The following TRIQK variants were observed in gnomAD, a reference collection of about 807,000 sequenced individuals.
The protein encoded by TRIQK is triple QxxK/R motif containing.
A neutral mutation model predicts 10.8 loss-of-function variants in TRIQK; 10 were observed. The observed-to-expected ratio is 0.92, with a 90% CI of 0.57 to 1.57. The LOEUF (loss-of-function observed/expected upper bound fraction) is 1.57, where lower values mean the gene tolerates loss of function less well. Among genes scored for constraint, TRIQK ranks in the 40% most tolerant of loss-of-function variants. TRIQK has a pLI of 0.00. For missense variants in TRIQK, 107 were observed against 97.7 expected (o/e 1.09, Z -0.40); for synonymous variants, 33 against 33.7 (o/e 0.98, Z 0.07).
chr8:92,949,682 AAG>A (rs1491526126), intron 2 of TRIQK, among the ~76,000 whole-genome samples: 162 of 97,478 alleles, frequency 1.7e-3, no homozygotes, highest in Non-Finnish European at 2.0e-3. Flanking sequence ...GAAAGAAAGA[AAG>A]AAAGAAAGAA....
At chr8:92,988,864 T>C (rs921179437) in intron 1 of TRIQK, among the ~76,000 whole-genome samples, 1 of 152,204 alleles carries the variant, frequency 6.6e-6, no homozygotes, top group African/African-American at 2.4e-5. Flanking sequence ...GAACTGCATA[T>C]CATAAAAATG....
intron 3 of TRIQK, among the ~76,000 whole-genome samples, chr8:92,915,679 T>C (rs560997350): frequency 1.3e-5 from 2 of 151,554 alleles, no homozygotes; most frequent in African/African-American, 4.8e-5. Context: ...TTTTGTATTT[T>C]TAGTAGAGAC....
At chr8:92,969,887 A>G (rs1287981913), upstream of TRIQK, among the ~76,000 whole-genome samples, 2 of 152,036 alleles carry the variant, frequency 1.3e-5, no homozygotes, top group Non-Finnish European at 2.9e-5. Flanking sequence ...CTATCAACCC[A>G]TCCCTTAGAT....
chr8:92,998,973 G>A (rs988000219), intron 1 of TRIQK, among the ~76,000 whole-genome samples: 2 of 152,138 alleles, frequency 1.3e-5, no homozygotes, highest in Non-Finnish European at 2.9e-5. Flanking sequence ...GGTAGAGGGA[G>A]ATGGACTTGT....
chr8:92,980,963 TTTTATC>T (rs1407008377), intron 1 of TRIQK, among the ~76,000 whole-genome samples: 4 of 151,576 alleles, frequency 2.6e-5, no homozygotes, highest in African/African-American at 9.7e-5. Flanking sequence ...TTTAATTTAA[TTTTATC>T]TTTATTATTT....
chr8:92,945,308 T>C (rs1811472793), intron 2 of TRIQK, among the ~76,000 whole-genome samples: 1 of 151,598 alleles, frequency 6.6e-6, no homozygotes, highest in Non-Finnish European at 1.5e-5. Flanking sequence ...GCTACAGCAA[T>C]ATCTACACCC....
chr8:92,922,107 T>A (rs942384991), intron 2 of TRIQK: 5 of 151,800 alleles, frequency 3.3e-5, no homozygotes. Flanking sequence ...TAATAAACCA[T>A]GTAGTTATTA....
intron 2 of TRIQK, among the ~76,000 whole-genome samples, chr8:92,922,919 T>A (rs928399086): frequency 7.1e-4 from 108 of 151,942 alleles, no homozygotes; most frequent in African/African-American, 2.5e-3. Context: ...TCATTGTCTT[T>A]GAAATTATTA....
At chr8:92,971,153 T>C (rs758199283) in intron 1 of TRIQK, among the ~76,000 whole-genome samples, 6 of 152,104 alleles carry the variant, frequency 3.9e-5, no homozygotes, top group Non-Finnish European at 8.8e-5. Flanking sequence ...CATTGGTCTA[T>C]GTGTCTGTTT....
intron 2 of TRIQK, among the ~76,000 whole-genome samples, chr8:92,947,587 GA>G (rs35808197): frequency 0.33 from 20,378 of 61,502 alleles, 1,327 homozygotes; most frequent in Admixed American, 0.42. Flanking sequence ...TCCGCCTCAG[GA>G]AAAAAAAAAA....
intron 1 of TRIQK, among the ~76,000 whole-genome samples, chr8:92,980,398 CGT>C (rs967692368): frequency 1.3e-5 from 2 of 151,632 alleles, no homozygotes; most frequent in African/African-American, 4.8e-5. Context: ...CACTCACGCG[CGT>C]GTGTGTTCAT....
At chr8:92,900,622 A>C (rs916706356) in intron 3 of TRIQK, among the ~76,000 whole-genome samples, 1 of 152,090 alleles carries the variant, frequency 6.6e-6, no homozygotes, top group African/African-American at 2.4e-5. Flanking sequence ...TGTGAGTACC[A>C]TGCTGTTTTG....
At chr8:92,923,389 T>C (rs754467237) in intron 2 of TRIQK, among the ~76,000 whole-genome samples, 4 of 151,794 alleles carry the variant, frequency 2.6e-5, no homozygotes, top group Non-Finnish European at 5.9e-5. Context: ...GCATGTACAA[T>C]ACCAAGATTG....
chr8:92,986,652 C>A (rs976191183), intron 1 of TRIQK, among the ~76,000 whole-genome samples: 7 of 152,114 alleles, frequency 4.6e-5, no homozygotes, highest in African/African-American at 1.7e-4. Context: ...GAAATACTTT[C>A]TCGGGGCCAA....
intron 3 of TRIQK, among the ~76,000 whole-genome samples, chr8:92,893,058 T>C (rs1201057246): frequency 6.6e-6 from 1 of 151,972 alleles, no homozygotes; most frequent in Non-Finnish European, 1.5e-5. Context: ...GATGACCAGT[T>C]CCTTTACAAA....
At chr8:92,957,232 A>G (rs1812214154) in intron 1 of TRIQK, among the ~76,000 whole-genome samples, 1 of 151,894 alleles carries the variant, frequency 6.6e-6, no homozygotes, top group Non-Finnish European at 1.5e-5. Context: ...ACATGTGTAC[A>G]TAACCATATA....
intron 2 of TRIQK, among the ~76,000 whole-genome samples, chr8:92,919,128 TG>T (rs1278730855): frequency 2.6e-5 from 4 of 152,072 alleles, no homozygotes; most frequent in African/African-American, 9.6e-5. Context: ...ACTATAAATT[TG>T]TAGTATAATT....
chr8:92,940,860 A>G (rs1319089917), intron 2 of TRIQK, among the ~76,000 whole-genome samples: 2 of 152,340 alleles, frequency 1.3e-5, no homozygotes, highest in African/African-American at 2.4e-5. Flanking sequence ...ATTTCCCAGG[A>G]TAGATCATAT....
intron 2 of TRIQK, among the ~76,000 whole-genome samples, chr8:92,928,565 T>C (rs1473734419): frequency 6.6e-6 from 1 of 152,212 alleles, no homozygotes; most frequent in Non-Finnish European, 1.5e-5. Flanking sequence ...TCTCCAGTTT[T>C]GTTTTGTTTT....
Sources: allele counts gnomAD v4.1 joint callset (sites outside exome capture counted in the v4.1 genomes callset), GRCh38; gene constraint gnomAD v4.1.1; transcripts MANE v1.5; gene names NCBI Gene and HGNC (gene_info 2026-07-23, HGNC 2026-07-21).